The following GABRA2 variants were observed in gnomAD, a reference collection of about 807,000 sequenced individuals.
The protein encoded by GABRA2 is gamma-aminobutyric acid type A receptor subunit alpha2.
GABRA2 carries 16 observed loss-of-function variants against 48.7 expected under a neutral mutation model. The ratio of observed to expected loss-of-function variants is 0.33; its 90% CI spans 0.22 to 0.50. GABRA2 has a LOEUF of 0.50. GABRA2 is among the 20% of genes least tolerant of loss of function. The pLI, the probability that GABRA2 is intolerant of heterozygous loss-of-function variation, is 0.98. For missense variants in GABRA2, 275 were observed against 535.6 expected (o/e 0.51, Z 4.80); for synonymous variants, 185 against 184.5 (o/e 1.00, Z -0.02).
chr4:46,357,388 G>T (rs1351911601), intron 3 of GABRA2, among the ~76,000 whole-genome samples: 1 of 147,686 alleles, frequency 6.8e-6, no homozygotes, highest in Non-Finnish European at 1.5e-5. Flanking sequence ...GGAGCAATTA[G>T]GCATGCTTCT....
chr4:46,388,245 A>G lies in GABRA2; in HGVS notation c.71+391T>C, dbSNP rs1047432646. Among the ~76,000 whole-genome samples, 8 of 152,120 alleles carry G rather than the reference A, an allele frequency of 5.3e-5. No homozygotes were observed. In the South Asian group the frequency reaches 1.7e-3, roughly 31 times the overall value. ...AAAAAAAGAAAAGAAAAAGGAAAAA[A>G]AAAATTAGTTAACACTCAAATCACT... On this transcript the variant is annotated intron_variant, in intron 2 of 9. Transcript: ENST00000381620.
At chr4:46,330,563 C>CATAT (rs71955894) in intron 4 of GABRA2, among the ~76,000 whole-genome samples, 18 of 128,364 alleles carry the variant, frequency 1.4e-4, no homozygotes, top group Admixed American at 6.2e-4. Flanking sequence ...TGTATATATG[C>CATAT]ATATATATAT....
Position 46,288,499 on chromosome 4 carries a change from A to G in GABRA2, c.856+14961T>C, listed in dbSNP as rs994370683. On this transcript the variant is annotated intron_variant, in intron 8 of 9. Transcript: ENST00000381620. The stretch of plus-strand genomic sequence containing the variant: ...CCATTAAATAAATTGTGCTAGGGTA[A>G]TGGCTAGCCATATGCAGAAGATTGA... Among the ~76,000 whole-genome samples the G allele has an allele frequency of 4.6e-5, 7 of 152,294 alleles. No homozygotes were observed. In the South Asian group the frequency reaches 1.4e-3, roughly 32 times the overall value.
At chr4:46,262,182 A>T in intron 8 of GABRA2, 54 bp from the exon 9 acceptor site, 2 of 1,454,648 alleles carry the variant, frequency 1.4e-6, no homozygotes, top group South Asian at 2.3e-5. Flanking sequence ...GCAGGACAGC[A>T]TGGGAAGTAG....
At chr4:46,363,270 G>T (rs1232128925) in intron 3 of GABRA2, among the ~76,000 whole-genome samples, 1 of 152,178 alleles carries the variant, frequency 6.6e-6, no homozygotes, top group Admixed American at 6.6e-5. Flanking sequence ...TTAAGAGTTA[G>T]TGGAGACAGG....
chr4:46,312,979 A>G (rs1477589997), intron 4 of GABRA2, among the ~76,000 whole-genome samples: 1 of 151,968 alleles, frequency 6.6e-6, no homozygotes, highest in Admixed American at 6.6e-5. Flanking sequence ...TTAGTTGAAC[A>G]AGGTCTCAGT....
intron 3 of GABRA2, among the ~76,000 whole-genome samples, chr4:46,377,188 G>C (rs1159737875): frequency 6.8e-6 from 1 of 147,342 alleles, no homozygotes; most frequent in Non-Finnish European, 1.5e-5. Context: ...GTCTCTGCCC[G>C]GCCGCCCATC....
intron 4 of GABRA2, among the ~76,000 whole-genome samples, chr4:46,330,206 C>T (rs1731094338): frequency 1.3e-5 from 2 of 151,834 alleles, no homozygotes; most frequent in Admixed American, 1.3e-4. Context: ...GTAGAATCCC[C>T]CCAAATAAGA....
At chr4:46,360,227 A>G (rs12647841) in intron 3 of GABRA2, among the ~76,000 whole-genome samples, 1 of 152,364 alleles carries the variant, frequency 6.6e-6, no homozygotes, top group East Asian at 1.9e-4. Flanking sequence ...TAATTTTTGT[A>G]TATCAATTAT....
At chr4:46,368,967 GA>G (rs1714469628) in intron 3 of GABRA2, 1 of 700,164 alleles carries the variant, frequency 1.4e-6, no homozygotes, top group Non-Finnish European at 2.6e-6. Context: ...TCTGGCTCTT[GA>G]AGGCTATGTT....
At chr4:46,295,320 A>G (rs1724431632) in intron 8 of GABRA2, among the ~76,000 whole-genome samples, 1 of 152,256 alleles carries the variant, frequency 6.6e-6, no homozygotes. Flanking sequence ...GTTTGGCTGG[A>G]TGGTCAAGGA....
At chr4:46,307,457 G>A (rs1028496004) in intron 6 of GABRA2, among the ~76,000 whole-genome samples, 2 of 147,308 alleles carry the variant, frequency 1.4e-5, no homozygotes, top group Non-Finnish European at 3.0e-5. Flanking sequence ...TTTTTTTTTA[G>A]CGGAACGACA....
At chr4:46,296,641 T>C (rs1013179828) in intron 8 of GABRA2, among the ~76,000 whole-genome samples, 4 of 138,608 alleles carry the variant, frequency 2.9e-5, no homozygotes, top group African/African-American at 1.1e-4. Flanking sequence ...AAGGTTTGGA[T>C]TACTCTATCA....
intron 3 of GABRA2, among the ~76,000 whole-genome samples, chr4:46,379,015 C>T (rs961410233): frequency 6.6e-6 from 1 of 152,130 alleles, no homozygotes. Flanking sequence ...GTTAAGACAA[C>T]CAACTGAGAA....
intron 5 of GABRA2, among the ~76,000 whole-genome samples, chr4:46,310,586 A>T (rs1182378985): frequency 2.6e-5 from 4 of 152,158 alleles, no homozygotes; most frequent in Non-Finnish European, 4.4e-5. Flanking sequence ...GGCCAAAAAA[A>T]ATCTCTATCA....
rs1055355215 is a variant in GABRA2 at position 46,262,906 on chromosome 4, C to T, written c.857-778G>A. Among the ~76,000 whole-genome samples the T allele has an allele frequency of 1.7e-4, 16 of 93,522 alleles. No individual in the cohort carries two copies. In the East Asian group the frequency reaches 4.7e-3, roughly 28 times the overall value. 61.4% of individuals were successfully genotyped at this position (93,522 alleles called of 152,430 possible). The stretch of plus-strand genomic sequence containing the variant: ...AGCAAAAGTCCGTTGAAAGAAAGAA[C>T]GAAAGAAAGAAAGAGAGAGAGAAAG... On this transcript the variant is annotated intron_variant, in intron 8 of 9. Coordinates refer to ENST00000381620, the MANE Select transcript of GABRA2 (RefSeq NM_000807.4).
rs1727805648 is a variant in GABRA2, at chr4:46,312,434, GTTGT to G, written c.476+58_476+61del. On this transcript the variant is annotated intron_variant, in intron 5 of 9. Coordinates refer to ENST00000381620, the MANE Select transcript of GABRA2 (RefSeq NM_000807.4). ...TAATACTTGACAGCTAGATTGGCTG[GTTGT>G]TTAATACATGAAAATTTCTCAGTAT... is the stretch of plus-strand genomic sequence containing the variant. 3 of 1,111,874 alleles carry G rather than the reference GTTGT, an allele frequency of 2.7e-6. No homozygotes were observed. The Admixed American group carries it at 6.0e-5, about 22-fold the overall frequency. The allele number at this position is 1,111,874 out of a possible 1,614,324, so 68.9% of individuals were successfully genotyped here.
intron 9 of GABRA2, among the ~76,000 whole-genome samples, chr4:46,260,341 T>C (rs181809260): frequency 2.1e-4 from 32 of 152,026 alleles, no homozygotes; most frequent in Admixed American, 5.3e-4. Context: ...CTATGTGTAA[T>C]TTGGCATATG....
chr4:46,365,306 AG>A (rs369374223), intron 3 of GABRA2: 8 of 152,282 alleles, frequency 5.3e-5, no homozygotes, highest in African/African-American at 1.7e-4. Flanking sequence ...CATTCTATGG[AG>A]AATTTTGCAA....
Sources: allele counts gnomAD v4.1 joint callset (sites outside exome capture counted in the v4.1 genomes callset), GRCh38; gene constraint gnomAD v4.1.1; transcripts MANE v1.5; gene names NCBI Gene and HGNC (gene_info 2026-07-23, HGNC 2026-07-21).